Variants in CNTNAP2 observed in about 807,000 individuals in gnomAD.
CNTNAP2 encodes the protein contactin associated protein 2, also known as contactin-associated protein-like 2.
In CNTNAP2, 98 loss-of-function variants were observed where a neutral mutation model predicts 155.2. The ratio of observed to expected loss-of-function variants is 0.63; its 90% CI spans 0.54 to 0.75. The LOEUF (loss-of-function observed/expected upper bound fraction) is 0.75. CNTNAP2 is among the 30% of genes least tolerant of loss of function. The pLI is 0.00. For missense variants in CNTNAP2, 1,727 were observed against 1,688.1 expected (o/e 1.02, Z -0.40); for synonymous variants, 651 against 631.2 (o/e 1.03, Z -0.47).
chr7:146,833,592 C>G (rs1803557205), intron 2 of CNTNAP2, among the ~76,000 whole-genome samples: 1 of 152,172 alleles, frequency 6.6e-6, no homozygotes, highest in South Asian at 2.1e-4. Flanking sequence ...TATTTGCTAA[C>G]CTCTTTGGGC....
At position 147,360,578 on chromosome 7, in the gene CNTNAP2, T is replaced by TATA. The variant is rs1584898600; in HGVS notation, c.1499-35031_1499-35030insATA. On this transcript the variant is annotated intron_variant, in intron 9 of 23. Coordinates refer to ENST00000361727, the MANE Select transcript of CNTNAP2 (RefSeq NM_014141.6). Reference sequence around the variant, plus strand: ...TCTATCTAAGGCATTCATGGTGCTTTTTTCACTCTTTATATATCCTCAGTG... The same window carrying TATA: ...TCTATCTAAGGCATTCATGGTGCTTTATATTTCACTCTTTATATATCCTCAGTG... Among the ~76,000 whole-genome samples, 6 of 152,272 alleles carry TATA rather than the reference T, an allele frequency of 3.9e-5. No individual in the cohort carries two copies. In the East Asian group the frequency reaches 1.2e-3, roughly 29 times the overall value.
chr7:146,833,498 G>A (rs760716010), intron 2 of CNTNAP2, among the ~76,000 whole-genome samples: 33 of 152,188 alleles, frequency 2.2e-4, no homozygotes, highest in Middle Eastern at 3.4e-3. Flanking sequence ...TTACTCGCCC[G>A]ATGCCTGTGC....
intron 14 of CNTNAP2, among the ~76,000 whole-genome samples, chr7:147,921,917 C>T (rs948166832): frequency 3.9e-5 from 6 of 152,078 alleles, no homozygotes; most frequent in Non-Finnish European, 5.9e-5. Context: ...TGGTGAGTAA[C>T]GCTGAGACAT....
At chr7:146,619,349 C>A (rs2129155961) in intron 1 of CNTNAP2, among the ~76,000 whole-genome samples, 1 of 152,152 alleles carries the variant, frequency 6.6e-6, no homozygotes, top group African/African-American at 2.4e-5. Flanking sequence ...TATCCATTTT[C>A]TGTAACATTC....
chr7:146,472,291 G>A (rs1796811203), intron 1 of CNTNAP2, among the ~76,000 whole-genome samples: 1 of 152,156 alleles, frequency 6.6e-6, no homozygotes, highest in Non-Finnish European at 1.5e-5. Context: ...ACTATTTACA[G>A]TGAAGTTTTG....
chr7:146,723,689 G>A (rs73168725), intron 1 of CNTNAP2, among the ~76,000 whole-genome samples: 5,197 of 152,214 alleles, frequency 0.034, 132 homozygotes, highest in East Asian at 0.12. Context: ...AGTTCAATCA[G>A]TAGTTTTCTT....
intron 16 of CNTNAP2, among the ~76,000 whole-genome samples, chr7:148,119,074 C>A (rs1342041047): frequency 6.6e-6 from 1 of 152,150 alleles, no homozygotes; most frequent in African/African-American, 2.4e-5. Context: ...GACTTCCAGG[C>A]CAGTTGATTA....
At chr7:147,985,139 TAA>T (rs1410150405) in intron 15 of CNTNAP2, among the ~76,000 whole-genome samples, 2 of 149,802 alleles carry the variant, frequency 1.3e-5, no homozygotes, top group Non-Finnish European at 3.0e-5. Context: ...AATAAATAAA[TAA>T]ATAAATAACT....
chr7:147,145,002 T>A (rs75453927), intron 8 of CNTNAP2, among the ~76,000 whole-genome samples: 5 of 152,230 alleles, frequency 3.3e-5, no homozygotes, highest in Admixed American at 2.0e-4. Context: ...CACGTTTGAA[T>A]GATTTAGAAT....
At chr7:147,173,982 A>T (rs971043499) in intron 8 of CNTNAP2, among the ~76,000 whole-genome samples, 1 of 152,138 alleles carries the variant, frequency 6.6e-6, no homozygotes, top group Non-Finnish European at 1.5e-5. Context: ...ATTCAAGGGC[A>T]TCAATAGCAA....
At chr7:147,280,908 A>T (rs1050715346) in intron 8 of CNTNAP2, among the ~76,000 whole-genome samples, 2 of 151,932 alleles carry the variant, frequency 1.3e-5, no homozygotes, top group Non-Finnish European at 2.9e-5. Context: ...GAAAGTGCAG[A>T]GTTGTAATAC....
intron 6 of CNTNAP2, among the ~76,000 whole-genome samples, chr7:147,124,834 C>A (rs945860229): frequency 6.7e-6 from 1 of 148,968 alleles, no homozygotes; most frequent in South Asian, 2.2e-4. Flanking sequence ...AATACAAGTT[C>A]ACTCCTTTGA....
At chr7:146,917,618 T>C (rs556101243) in intron 3 of CNTNAP2, among the ~76,000 whole-genome samples, 44 of 152,276 alleles carry the variant, frequency 2.9e-4, no homozygotes, top group African/African-American at 9.4e-4. Context: ...TCATCTTGAA[T>C]TGTAGCTCGC....
intron 1 of CNTNAP2, among the ~76,000 whole-genome samples, chr7:146,156,764 G>T (rs1357815972): frequency 6.6e-6 from 1 of 152,054 alleles, no homozygotes; most frequent in Non-Finnish European, 1.5e-5. Context: ...CCCACACCTG[G>T]CTAATTTTTG....
chr7:148,295,022 G>A (rs765094317), intron 21 of CNTNAP2, among the ~76,000 whole-genome samples: 10 of 152,038 alleles, frequency 6.6e-5, no homozygotes, highest in Admixed American at 2.0e-4. Flanking sequence ...GTTAAGGATC[G>A]AGAAATCACA....
intron 12 of CNTNAP2, among the ~76,000 whole-genome samples, chr7:147,565,710 G>A (rs1179609324): frequency 1.3e-5 from 2 of 152,180 alleles, no homozygotes; most frequent in Admixed American, 1.3e-4. Flanking sequence ...TATGGACTGA[G>A]TAGCTGGATG....
chr7:146,296,312 G>A (rs1370572817), intron 1 of CNTNAP2, among the ~76,000 whole-genome samples: 2 of 152,122 alleles, frequency 1.3e-5, no homozygotes, highest in African/African-American at 4.8e-5. Context: ...CACACTTTGG[G>A]CTACTTCAGA....
chr7:147,092,255 A>G (rs1584834776), intron 4 of CNTNAP2, among the ~76,000 whole-genome samples: 1 of 152,202 alleles, frequency 6.6e-6, no homozygotes. Context: ...ATGTTTTTCT[A>G]AAATTAACTG....
intron 17 of CNTNAP2, among the ~76,000 whole-genome samples, chr7:148,158,241 T>TTTTTTTTTTTTTTG (rs1805442428): frequency 6.9e-6 from 1 of 145,262 alleles, no homozygotes; most frequent in Non-Finnish European, 1.5e-5. Context: ...TTTTTTTTTT[T>TTTTTTTTTTTTTTG]GAGACAGAGT....
Sources: allele counts gnomAD v4.1 joint callset (sites outside exome capture counted in the v4.1 genomes callset), GRCh38; gene constraint gnomAD v4.1.1; transcripts MANE v1.5; gene names NCBI Gene and HGNC (gene_info 2026-07-23, HGNC 2026-07-21).